The following ZHX2 variants were observed in gnomAD, a reference collection of about 807,000 sequenced individuals.
ZHX2 encodes zinc fingers and homeoboxes protein 2.
A neutral mutation model predicts 21.9 loss-of-function variants in ZHX2; 6 were observed. That is an observed-to-expected ratio of 0.27 (90% confidence interval 0.15 to 0.54). The LOEUF is 0.54. Among genes scored for constraint, ZHX2 ranks in the 20% least tolerant of loss-of-function variants. The pLI is 0.95. For synonymous variants in ZHX2, 434 were observed against 437.1 expected (o/e 0.99, Z 0.09); for missense variants, 908 against 1,090.7 (o/e 0.83, Z 2.36).
At chr8:122,789,480 T>C (rs544447194) in intron 1 of ZHX2, among the ~76,000 whole-genome samples, 2 of 152,290 alleles carry the variant, frequency 1.3e-5, no homozygotes, top group African/African-American at 4.8e-5. Flanking sequence ...CACCCTGTCT[T>C]TTTGAAGATA....
intron 2 of ZHX2, among the ~76,000 whole-genome samples, chr8:122,878,419 C>T (rs1819620145): frequency 6.6e-6 from 1 of 152,162 alleles, no homozygotes; most frequent in Non-Finnish European, 1.5e-5. Context: ...CTGGAGTCAG[C>T]CATATCTTAG....
intron 1 of ZHX2, among the ~76,000 whole-genome samples, chr8:122,854,416 G>C (rs1818981418): frequency 6.6e-6 from 1 of 152,208 alleles, no homozygotes; most frequent in Admixed American, 6.5e-5. Flanking sequence ...TGAGGCCCAG[G>C]AGCAGGGGAC....
At chr8:122,802,933 A>G (rs1817747889) in intron 1 of ZHX2, among the ~76,000 whole-genome samples, 1 of 151,966 alleles carries the variant, frequency 6.6e-6, no homozygotes, top group African/African-American at 2.4e-5. Flanking sequence ...GCTCCCCTGC[A>G]TCCCACTGCC....
chr8:122,789,942 C>A (rs1817478696), intron 1 of ZHX2, among the ~76,000 whole-genome samples: 1 of 152,194 alleles, frequency 6.6e-6, no homozygotes, highest in African/African-American at 2.4e-5. Context: ...TTCCAAGAAC[C>A]AGGGCTCTTG....
At chr8:122,857,191 A>G (rs541218702) in intron 1 of ZHX2, among the ~76,000 whole-genome samples, 6 of 152,240 alleles carry the variant, frequency 3.9e-5, no homozygotes, top group African/African-American at 7.2e-5. Context: ...AGTTAGCGCA[A>G]TAATGTCATT....
intron 1 of ZHX2, among the ~76,000 whole-genome samples, chr8:122,810,780 C>G (rs117995076): frequency 8.6e-5 from 13 of 150,980 alleles, no homozygotes; most frequent in Non-Finnish European, 1.8e-4. Flanking sequence ...TATCCACAGA[C>G]TAGCATGTCT....
At chr8:122,931,249 C>T (rs944120766) in intron 2 of ZHX2, among the ~76,000 whole-genome samples, 2 of 152,154 alleles carry the variant, frequency 1.3e-5, no homozygotes, top group Admixed American at 1.3e-4. Context: ...CTCCAGGAGC[C>T]ACGAGTATTA....
At chr8:122,890,139 G>A (rs1392634558) in intron 2 of ZHX2, among the ~76,000 whole-genome samples, 3 of 152,122 alleles carry the variant, frequency 2.0e-5, no homozygotes, top group Admixed American at 1.3e-4. Context: ...TTTATATACA[G>A]TGAGAGATAG....
chr8:122,932,120 C>T (rs761923232), intron 2 of ZHX2, among the ~76,000 whole-genome samples: 2 of 152,180 alleles, frequency 1.3e-5, no homozygotes, highest in Non-Finnish European at 2.9e-5. Context: ...AGAGTTCTAG[C>T]TCACTGCCCA....
At chr8:122,799,874 T>C (rs923525475) in intron 1 of ZHX2, among the ~76,000 whole-genome samples, 2 of 152,230 alleles carry the variant, frequency 1.3e-5, no homozygotes, top group Non-Finnish European at 2.9e-5. Flanking sequence ...TGCTTTTCTT[T>C]TTTTTTGAGA....
intron 2 of ZHX2, among the ~76,000 whole-genome samples, chr8:122,934,473 T>A (rs1812622524): frequency 6.6e-6 from 1 of 152,230 alleles, no homozygotes; most frequent in African/African-American, 2.4e-5. Flanking sequence ...CCAAATCTTG[T>A]GGTTGACCTT....
chr8:122,831,770 G>A (rs981774028), intron 1 of ZHX2, among the ~76,000 whole-genome samples: 2 of 152,136 alleles, frequency 1.3e-5, no homozygotes, highest in Non-Finnish European at 2.9e-5. Context: ...AGTGTTTTTT[G>A]CAGTTAGGAT....
chr8:122,872,649 C>T (rs1426328589), intron 2 of ZHX2, among the ~76,000 whole-genome samples: 3 of 152,272 alleles, frequency 2.0e-5, no homozygotes, highest in South Asian at 2.1e-4. Context: ...ACCTATAACT[C>T]GTAGATACCA....
chr8:122,812,470 A>G (rs1042382855), intron 1 of ZHX2, among the ~76,000 whole-genome samples: 2 of 152,210 alleles, frequency 1.3e-5, no homozygotes, highest in East Asian at 3.8e-4. Flanking sequence ...CAACTTGCCC[A>G]AGGCCACAGA....
intron 2 of ZHX2, among the ~76,000 whole-genome samples, chr8:122,918,988 G>A (rs950204142): frequency 3.3e-5 from 5 of 151,474 alleles, no homozygotes; most frequent in African/African-American, 4.9e-5. Flanking sequence ...ACAGGAGACA[G>A]GCCATAGTTT....
At chr8:122,807,349 A>G (rs903377844) in intron 1 of ZHX2, among the ~76,000 whole-genome samples, 8 of 152,202 alleles carry the variant, frequency 5.3e-5, no homozygotes, top group African/African-American at 1.9e-4. Context: ...ATAATATTAC[A>G]TATTTGTTGA....
intron 2 of ZHX2, among the ~76,000 whole-genome samples, chr8:122,892,289 C>T (rs1312537871): frequency 6.6e-6 from 1 of 152,086 alleles, no homozygotes; most frequent in African/African-American, 2.4e-5. Flanking sequence ...TTTTTCTAGT[C>T]CTCTATTTTC....
chr8:122,834,745 G>A (rs1392608072), intron 1 of ZHX2, among the ~76,000 whole-genome samples: 3 of 152,184 alleles, frequency 2.0e-5, no homozygotes, highest in Non-Finnish European at 2.9e-5. Flanking sequence ...CTGGGTCTAG[G>A]TTGGTATATT....
intron 2 of ZHX2, among the ~76,000 whole-genome samples, chr8:122,930,605 G>T: frequency 6.7e-6 from 1 of 148,998 alleles, no homozygotes; most frequent in African/African-American, 2.5e-5. Flanking sequence ...CCAAATAGAT[G>T]GGGTTACAGG....
Sources: gnomAD v4.1 joint callset for allele counts (sites outside exome capture counted in the v4.1 genomes callset) on GRCh38, gnomAD v4.1.1 for gene constraint, MANE v1.5 for transcripts, NCBI Gene and HGNC (gene_info 2026-07-23, HGNC 2026-07-21) for gene names.